Variants in ANKRD35 observed in about 807,000 individuals in gnomAD.
ANKRD35 encodes the protein ankyrin repeat domain-containing protein 35.
Under a neutral mutation model 109.9 loss-of-function variants are expected in ANKRD35, and 102 were observed. The observed-to-expected ratio is 0.93, with a 90% CI of 0.79 to 1.09. The LOEUF is 1.09. Ranked by LOEUF, ANKRD35 falls within the 50% of genes least tolerant of loss-of-function variation. The pLI is 0.00. For synonymous variants in ANKRD35, 515 were observed against 512.4 expected (o/e 1.01, Z -0.07); for missense variants, 1,240 against 1,230.1 (o/e 1.01, Z -0.12).
intron 10 of ANKRD35, among the ~76,000 whole-genome samples, chr1:145,870,153 C>T (rs941863313): frequency 3.4e-5 from 5 of 148,264 alleles, no homozygotes; most frequent in South Asian, 2.1e-4. Context: ...TGCAGTGGCG[C>T]GATCTCAGCT....
chr1:145,866,839 C>G (rs587603482), intron 13 of ANKRD35, 74 bp from the exon 14 acceptor site: 1 of 155,314 alleles, frequency 6.4e-6, no homozygotes, highest in East Asian at 1.9e-4. Context: ...TATCAACATG[C>G]TAAAAGGGAC....
In ANKRD35 at chr1:145,872,992, C is replaced by T. The variant is rs377047896; in HGVS notation, c.1777G>A (p.Gly593Arg). 1 of 1,610,520 alleles carries T rather than the reference C, an allele frequency of 6.2e-7. No individual in the cohort carries two copies. Among genetic ancestry groups the T allele is most frequent in the Non-Finnish European group, 8.5e-7 (1 of 1,178,456 alleles). The change falls in exon 10 of 14, where the codon GGA becomes AGA. Residue 593 changes from glycine (G) to arginine (R), a missense_variant. Gly to Arg is a moderately radical substitution (Grantham distance 125, BLOSUM62 -2). Transcript: ENST00000355594. ...EKEKRVPGAQGEPLGALGGEK... is the reference protein window; with the variant it reads ...EKEKRVPGAQREPLGALGGEK... ...CCTCCAAGGGCCCCTAGAGGCTCTC[C>T]TTGAGCCCCAGGAACCCTTTTCTCC...
At position 145,868,029 on chromosome 1, in the gene ANKRD35, T is replaced by A. The variant is rs1036519765; in HGVS notation, c.2905A>T (p.Ile969Phe). The A allele has an allele frequency of 5.0e-6, 8 of 1,614,162 alleles. No homozygotes were observed. The highest frequency in any genetic ancestry group is 5.9e-6 in the Non-Finnish European group (7 of 1,180,024). The change falls in exon 12 of 14, where the codon ATC becomes TTC. Residue 969 changes from isoleucine (I) to phenylalanine (F), a missense_variant. By Grantham distance (21) the Ile-to-Phe change is conservative. Coordinates refer to ENST00000355594, the MANE Select transcript of ANKRD35 (RefSeq NM_144698.5). ...QDSQKNHEEI[I>F]STYRNHLLNA... ...AGTAGATGATTCCTGTAGGTGGAGA[T>A]GATCTCTTCATGGTTCTTCTGGGAA...
intron 12 of ANKRD35, 136 bp downstream of exon 12, chr1:145,867,855 G>T (rs1653664525): frequency 2.6e-6 from 2 of 779,146 alleles, no homozygotes; most frequent in Admixed American, 2.1e-5. Flanking sequence ...TGAGATCAGA[G>T]ACCTAGCACT....
chr1:145,879,137 T>C (rs782380470), intron 2 of ANKRD35, 121 bp downstream of exon 2: 24 of 1,273,962 alleles, frequency 1.9e-5, no homozygotes, highest in Non-Finnish European at 2.0e-5. Context: ...ATATACTTGC[T>C]AATTAAGACA....
chr1:145,874,972 C>G lies in ANKRD35; in HGVS notation c.595G>C (p.Ala199Pro), dbSNP rs148836248. The G allele has an allele frequency of 7.4e-6, 12 of 1,611,760 alleles. No homozygotes were observed. In the Admixed American group the frequency reaches 1.3e-4, roughly 18 times the overall value. ...CTCAGGAGCAGTTCAGCCACCTCGG[C>G]ACTGCCTTTCTCACAGGCCAGGATC... ...ALILACEKGS[A>P]EVAELLLSHG... Residue 199 changes from alanine (A) to proline (P), a missense_variant, in exon 8 of 14, where the codon GCC becomes CCC. Physicochemically the swap from Ala to Pro is conservative, Grantham distance 27. Coordinates refer to ENST00000355594, the MANE Select transcript of ANKRD35 (RefSeq NM_144698.5).
chr1:145,876,970 AG>A, intron 4 of ANKRD35, 97 bp from the exon 5 acceptor site: 1 of 1,272,146 alleles, frequency 7.9e-7, no homozygotes, highest in African/African-American at 1.5e-5. Flanking sequence ...TAATATGAGG[AG>A]GGGCAGGAGG....
In ANKRD35 at chr1:145,874,933, C is replaced by T. The variant is rs781812215; in HGVS notation, c.634G>A (p.Ala212Thr). Reference sequence around the variant, plus strand: ...TGCCCTGTGCTGTCCACAGCCCCCGCGTCAGCTCCGTGGCTCAGGAGCAGT... The same window carrying T: ...TGCCCTGTGCTGTCCACAGCCCCCGTGTCAGCTCCGTGGCTCAGGAGCAGT... Reference protein sequence around the residue: ...AELLLSHGADAGAVDSTGHDA... With the variant: ...AELLLSHGADTGAVDSTGHDA... The change falls in exon 8 of 14, where the codon GCG becomes ACG. Residue 212 changes from alanine (A) to threonine (T), a missense_variant. Coordinates refer to ENST00000355594, the MANE Select transcript of ANKRD35 (RefSeq NM_144698.5). 81 of 1,613,414 alleles carry T rather than the reference C, an allele frequency of 5.0e-5. No homozygotes were observed. The highest frequency in any genetic ancestry group is 3.3e-4 in the Middle Eastern group (2 of 6,082).
chr1:145,884,387 T>C (rs868913546), intron 1 of ANKRD35, among the ~76,000 whole-genome samples: 1 of 152,230 alleles, frequency 6.6e-6, no homozygotes, highest in Non-Finnish European at 1.5e-5. Context: ...ATAGCTTGCT[T>C]CCAGGATTCT....
At chr1:145,875,414 G>A (rs1454931687) in intron 7 of ANKRD35, among the ~76,000 whole-genome samples, 4 of 152,032 alleles carry the variant, frequency 2.6e-5, no homozygotes, top group African/African-American at 7.2e-5. Flanking sequence ...CAAAGTGCTG[G>A]GATTACAGGT....
At chr1:145,876,534 G>A in intron 6 of ANKRD35, 35 bp downstream of exon 6, 1 of 1,613,406 alleles carries the variant, frequency 6.2e-7, no homozygotes. Context: ...GCCCTTCTGT[G>A]TAGGACACTG....
In ANKRD35 at chr1:145,878,019, T is replaced by G; in HGVS notation, c.273A>C (p.Leu91=). The G allele has an allele frequency of 6.2e-7, 1 of 1,613,924 alleles. No individual in the cohort carries two copies. The highest frequency in any genetic ancestry group is 8.5e-7 in the Non-Finnish European group (1 of 1,179,956). ...GCTGGCAGGAGATGGTGGCCAAGTG[T>G]AGGGCAGTGCTTCCTGGAACAGAAA... The part of the protein sequence containing the change: ...NSKNEDGSTA[L]HLATISCQPQ... The change falls in exon 4 of 14, where the codon CTA becomes CTC. Residue 91 remains leucine (L), a synonymous_variant. Transcript: ENST00000355594.
In ANKRD35 at chr1:145,872,290, G is replaced by A; in HGVS notation, c.2479C>T (p.Arg827Trp). 6.2e-7 allele frequency: 1 copy of A among 1,612,108 alleles called. No homozygotes were observed. Among genetic ancestry groups the A allele is most frequent in the Non-Finnish European group, 8.5e-7 (1 of 1,179,270 alleles). ...TGTTGCCGTAGGCTGGCTGCCTCCC[G>A]GGCCCTTAGCTCAGCCACTTCCTCT... ...ATEEVAELRA[R>W]EAASLRQHEK... The change falls in exon 10 of 14, where the codon CGG becomes TGG. Residue 827 changes from arginine to tryptophan, a missense_variant. Transcript: ENST00000355594.
rs1553739267 is a variant in ANKRD35, at chr1:145,873,207, G to T, written c.1562C>A (p.Ala521Asp). The T allele has an allele frequency of 6.2e-7, 1 of 1,613,978 alleles. No homozygotes were observed. The highest frequency in any genetic ancestry group is 8.5e-7 in the Non-Finnish European group (1 of 1,180,022). ...TGCCTCAGCACGGGGAGTCCCCAGG[G>T]CTCCCTCCATGACCGGTCTTGACAA... Reference protein sequence around the residue: ...GALSRPVMEGALGTPRAEAAA... With the variant: ...GALSRPVMEGDLGTPRAEAAA... Residue 521 changes from alanine to aspartate, a missense_variant, in exon 10 of 14, where the codon GCC becomes GAC. By Grantham distance (126) the Ala-to-Asp change is moderately radical (BLOSUM62 -2). Transcript: ENST00000355594.
At position 145,872,184 on chromosome 1, in the gene ANKRD35, G is replaced by T. The variant is rs587596448; in HGVS notation, c.2585C>A (p.Thr862Lys). ...CAGCCGACCCACTTCCCGGCAGGCC[G>T]TATTATACTTTTCCAACAGAGCCTT... ...ELKALLEKYN[T>K]ACREVGRLRE... is the part of the protein sequence containing the mutation. Residue 862 changes from threonine (T) to lysine (K), a missense_variant, in exon 10 of 14, where the codon ACG becomes AAG. Transcript: ENST00000355594. 3.1e-6 allele frequency: 5 copies of T among 1,609,630 alleles called. No individual in the cohort carries two copies. Among genetic ancestry groups the T allele is most frequent in the Non-Finnish European group, 4.2e-6 (5 of 1,178,246 alleles).
chr1:145,879,530 A>C (rs1468997974), intron 1 of ANKRD35, 142 bp from the exon 2 acceptor site: 1 of 1,003,500 alleles, frequency 1.0e-6, no homozygotes, highest in Admixed American at 3.9e-5. Flanking sequence ...TAGATCATTT[A>C]GTCCTTCTTA....
chr1:145,879,823 C>T (rs1259388952), intron 1 of ANKRD35, among the ~76,000 whole-genome samples: 1 of 152,162 alleles, frequency 6.6e-6, no homozygotes, highest in Non-Finnish European at 1.5e-5. Context: ...CCGCCTCCAC[C>T]CCTGAAACCC....
Position 145,876,225 on chromosome 1 carries a change from T to C in ANKRD35, c.475A>G (p.Ile159Val), listed in dbSNP as rs1553740056. 1.2e-6 allele frequency: 2 copies of C among 1,613,782 alleles called. No individual in the cohort carries two copies. The highest frequency in any genetic ancestry group is 1.7e-6 in the Non-Finnish European group (2 of 1,179,838). Residue 159 changes from isoleucine (I) to valine (V), a missense_variant, in exon 7 of 14, where the codon ATC (isoleucine) becomes GTC (valine). Ile to Val is a conservative substitution (Grantham distance 29, BLOSUM62 3). Coordinates refer to ENST00000355594, the MANE Select transcript of ANKRD35 (RefSeq NM_144698.5). ...GCTGCGTGCCCACCCAGCGATGCGA[T>C]CATCAGGGGTGTACGTCCATCCTGC... ...LDNDGRTPLMIASLGGHAAIC... is the reference protein window; with the variant it reads ...LDNDGRTPLMVASLGGHAAIC...
rs1559169753 is a variant in ANKRD35, at chr1:145,866,564, T to TC, written c.*244dup. The TC allele has an allele frequency of 6.6e-6, 1 of 152,078 alleles. No homozygotes were observed. The highest frequency in any genetic ancestry group is 1.5e-5 in the Non-Finnish European group (1 of 68,032). 9.4% of individuals were successfully genotyped at this position (152,078 alleles called of 1,614,324 possible). On this transcript the variant is annotated 3_prime_UTR_variant, in exon 14 of 14. Coordinates refer to ENST00000355594, the MANE Select transcript of ANKRD35 (RefSeq NM_144698.5). ...AAAAAAAAAATTACACTCAGCCCCG[T>TC]CCTGCCTCATGCTTTATTTTCCATA...
Sources: gnomAD v4.1 joint callset for allele counts (sites outside exome capture counted in the v4.1 genomes callset) on GRCh38, gnomAD v4.1.1 for gene constraint, MANE v1.5 for transcripts, NCBI Gene and HGNC (gene_info 2026-07-23, HGNC 2026-07-21) for gene names.